Variants in WDPCP observed in about 807,000 individuals in gnomAD.
WDPCP encodes WD repeat-containing and planar cell polarity effector protein fritz homolog.
Under a neutral mutation model 93.1 loss-of-function variants are expected in WDPCP, and 71 were observed. That is an observed-to-expected ratio of 0.76 (90% CI 0.63 to 0.93). WDPCP has a LOEUF of 0.93. WDPCP is among the 40% of genes least tolerant of loss of function. WDPCP has a pLI of 0.00. For missense variants in WDPCP, 844 were observed against 887.4 expected, an observed-to-expected ratio of 0.95 and a Z score of 0.62; for synonymous variants, 315 against 315.0, an observed-to-expected ratio of 1.00 and a Z score of 0.00.
At chr2:63,647,128 T>C (rs962072596) in intron 3 of WDPCP, among the ~76,000 whole-genome samples, 1 of 152,246 alleles carries the variant, frequency 6.6e-6, no homozygotes, top group Non-Finnish European at 1.5e-5. Flanking sequence ...CCTCTGATCA[T>C]GCATTTTGTT....
At chr2:63,158,506 A>G (rs1282379924) in intron 15 of WDPCP, among the ~76,000 whole-genome samples, 1 of 152,012 alleles carries the variant, frequency 6.6e-6, no homozygotes, top group African/African-American at 2.4e-5. Flanking sequence ...CTCTGGTATC[A>G]TTTACCTTAT....
At chr2:63,303,786 A>G (rs964586894) in intron 13 of WDPCP, among the ~76,000 whole-genome samples, 1 of 152,196 alleles carries the variant, frequency 6.6e-6, no homozygotes, top group African/African-American at 2.4e-5. Flanking sequence ...ACCCAGCAAG[A>G]GAAAAGAACA....
chr2:63,172,756 G>A (rs1226048667), intron 15 of WDPCP, among the ~76,000 whole-genome samples: 2 of 152,150 alleles, frequency 1.3e-5, no homozygotes, highest in Non-Finnish European at 2.9e-5. Context: ...TCTAGCTCCT[G>A]ATATTCTGGT....
chr2:63,286,107 G>A (rs1358247079), intron 13 of WDPCP, among the ~76,000 whole-genome samples: 1 of 152,030 alleles, frequency 6.6e-6, no homozygotes, highest in Non-Finnish European at 1.5e-5. Flanking sequence ...TTAGGCTCAA[G>A]TAATCCTCCC....
At chr2:63,618,598 T>C (rs1709697970) in intron 3 of WDPCP, among the ~76,000 whole-genome samples, 1 of 152,198 alleles carries the variant, frequency 6.6e-6, no homozygotes, top group African/African-American at 2.4e-5. Context: ...TTGACAATTC[T>C]GCATGCCCTT....
chr2:63,334,863 AC>A (rs1431729708), intron 12 of WDPCP, among the ~76,000 whole-genome samples: 1 of 152,122 alleles, frequency 6.6e-6, no homozygotes, highest in Non-Finnish European at 1.5e-5. Flanking sequence ...AACCTCCTTC[AC>A]AATTTGCCCA....
intron 3 of WDPCP, among the ~76,000 whole-genome samples, chr2:63,617,704 A>ATGAAAAG (rs1294913312): frequency 5.3e-5 from 8 of 152,228 alleles, no homozygotes; most frequent in Non-Finnish European, 8.8e-5. Context: ...TCCTGGAACA[A>ATGAAAAG]ATACCTTTAC....
intron 14 of WDPCP, among the ~76,000 whole-genome samples, chr2:63,245,257 G>A (rs769044587): frequency 1.3e-5 from 2 of 152,130 alleles, no homozygotes; most frequent in Non-Finnish European, 2.9e-5. Flanking sequence ...CCTGCATAAG[G>A]CCAAGACCTA....
chr2:63,501,809 T>G lies in WDPCP; in HGVS notation c.76-8869A>C, dbSNP rs968015966. On this transcript the variant is annotated intron_variant, in intron 1 of 17. Coordinates refer to ENST00000272321, the MANE Select transcript of WDPCP (RefSeq NM_015910.7). The stretch of plus-strand genomic sequence containing the variant: ...TTTTGTATTTTTAATAGAGACAGCA[T>G]TTCACCATGTTGGCCAGGCTGGTCT... Among the ~76,000 whole-genome samples the G allele has an allele frequency of 2.0e-5, 3 of 152,086 alleles. No homozygotes were observed. In the East Asian group the frequency reaches 5.8e-4, roughly 29 times the overall value.
intron 1 of WDPCP, among the ~76,000 whole-genome samples, chr2:63,547,174 C>T (rs1035132477): frequency 3.3e-5 from 5 of 151,790 alleles, no homozygotes; most frequent in East Asian, 1.9e-4. Flanking sequence ...TAATCATCAA[C>T]GAAATGTAAA....
intron 1 of WDPCP, among the ~76,000 whole-genome samples, chr2:63,573,651 T>C (rs1053587435): frequency 2.6e-5 from 4 of 152,078 alleles, no homozygotes; most frequent in African/African-American, 9.7e-5. Flanking sequence ...GTTTGAACAA[T>C]ATGAAATCTG....
At chr2:63,694,586 G>C (rs1668938107) in intron 2 of WDPCP, among the ~76,000 whole-genome samples, 1 of 152,100 alleles carries the variant, frequency 6.6e-6, no homozygotes, top group African/African-American at 2.4e-5. Flanking sequence ...AATATATACT[G>C]AAAATGTATC....
chr2:63,414,823 A>G (rs554761782), intron 9 of WDPCP, among the ~76,000 whole-genome samples: 2 of 152,300 alleles, frequency 1.3e-5, no homozygotes, highest in African/African-American at 4.8e-5. Flanking sequence ...AATCATCACT[A>G]AAGAACTTAC....
chr2:63,599,188 C>T, intron 3 of WDPCP: 1 of 1,613,610 alleles, frequency 6.2e-7, no homozygotes, highest in Non-Finnish European at 8.5e-7. Context: ...TGTGGGTAAT[C>T]CAGCCAATAC....
At chr2:63,497,353 TG>T (rs1274196723) in intron 1 of WDPCP, among the ~76,000 whole-genome samples, 1 of 152,138 alleles carries the variant, frequency 6.6e-6, no homozygotes, top group Non-Finnish European at 1.5e-5. Flanking sequence ...ATAACTGGAC[TG>T]GTTTGTGAAC....
intron 13 of WDPCP, among the ~76,000 whole-genome samples, chr2:63,305,738 G>T (rs1401840917): frequency 6.6e-6 from 1 of 152,008 alleles, no homozygotes; most frequent in African/African-American, 2.4e-5. Flanking sequence ...TCAGAAGGTG[G>T]GTAATAACAA....
At chr2:63,659,421 G>A (rs1251223546) in intron 2 of WDPCP, among the ~76,000 whole-genome samples, 1 of 152,172 alleles carries the variant, frequency 6.6e-6, no homozygotes, top group South Asian at 2.1e-4. Flanking sequence ...GCTTATCCTG[G>A]ATTATCCAGG....
chr2:63,481,871 T>A (rs1293216370), intron 6 of WDPCP, among the ~76,000 whole-genome samples: 1 of 151,622 alleles, frequency 6.6e-6, no homozygotes, highest in Non-Finnish European at 1.5e-5. Flanking sequence ...ACACCACCTG[T>A]TCCCCCAAAA....
chr2:63,642,520 CT>C (rs1046614649), intron 3 of WDPCP: 3 of 148,708 alleles, frequency 2.0e-5, no homozygotes, highest in Non-Finnish European at 4.5e-5. Flanking sequence ...AGATCTTTCA[CT>C]TCTTTGGAAA....
Sources: allele counts gnomAD v4.1 joint callset (sites outside exome capture counted in the v4.1 genomes callset), GRCh38; gene constraint gnomAD v4.1.1; transcripts MANE v1.5; gene names NCBI Gene and HGNC (gene_info 2026-07-23, HGNC 2026-07-21).